Variants in INSYN2B observed in about 807,000 individuals in gnomAD.
INSYN2B encodes inhibitory synaptic factor family member 2B.
A neutral mutation model predicts 41.2 loss-of-function variants in INSYN2B; 16 were observed. The observed-to-expected ratio is 0.39, with a 90% CI of 0.26 to 0.59. INSYN2B has a LOEUF of 0.59. Ranked by LOEUF, INSYN2B falls within the 20% of genes least tolerant of loss-of-function variation. The pLI is 0.57. For missense variants in INSYN2B, 608 were observed against 646.4 expected, an observed-to-expected ratio of 0.94 and a Z score of 0.64; for synonymous variants, 245 against 244.4, an observed-to-expected ratio of 1.00 and a Z score of -0.02.
intron 3 of INSYN2B, among the ~76,000 whole-genome samples, chr5:169,872,895 G>A (rs945681406): frequency 6.6e-6 from 1 of 152,320 alleles, no homozygotes; most frequent in East Asian, 1.9e-4. Flanking sequence ...TTTTAGGATG[G>A]TTAGGAGTCT....
At chr5:169,866,191 C>G (rs1185645939) in intron 3 of INSYN2B, among the ~76,000 whole-genome samples, 2 of 152,180 alleles carry the variant, frequency 1.3e-5, no homozygotes, top group Non-Finnish European at 2.9e-5. Flanking sequence ...CATTTTTCAT[C>G]CAGGCTTGCT....
At chr5:169,880,481 G>C (rs1001892670) in intron 3 of INSYN2B, among the ~76,000 whole-genome samples, 3 of 152,172 alleles carry the variant, frequency 2.0e-5, no homozygotes, top group Non-Finnish European at 4.4e-5. Context: ...AAGCAAAACT[G>C]TTCACTTTGG....
chr5:169,966,563 C>T (rs1777308167), intron 1 of INSYN2B, among the ~76,000 whole-genome samples: 1 of 152,194 alleles, frequency 6.6e-6, no homozygotes, highest in Admixed American at 6.5e-5. Flanking sequence ...AGCTGGGATG[C>T]AAATTCACCT....
At chr5:169,925,621 G>T (rs1011234544) in intron 1 of INSYN2B, among the ~76,000 whole-genome samples, 1 of 145,724 alleles carries the variant, frequency 6.9e-6, no homozygotes, top group Non-Finnish European at 1.5e-5. Flanking sequence ...GTCCTGGGGT[G>T]TAATCCCAGC....
intron 1 of INSYN2B, among the ~76,000 whole-genome samples, chr5:169,917,886 T>C (rs1046196518): frequency 1.3e-5 from 2 of 152,208 alleles, no homozygotes; most frequent in South Asian, 2.1e-4. Flanking sequence ...TTCTGGAAAC[T>C]GAAATGGGAC....
chr5:169,897,265 C>A (rs1581378746), intron 1 of INSYN2B, among the ~76,000 whole-genome samples: 2 of 151,936 alleles, frequency 1.3e-5, no homozygotes, highest in African/African-American at 4.8e-5. Flanking sequence ...GCTCACTGCA[C>A]CTTCCACCTC....
chr5:169,912,621 A>ATG (rs59287791), intron 1 of INSYN2B, among the ~76,000 whole-genome samples: 42,752 of 150,416 alleles, frequency 0.28, 6,012 homozygotes, highest in East Asian at 0.39. Flanking sequence ...GGTGGAGTGT[A>ATG]TGTGTGTGTG....
At chr5:169,938,568 C>T (rs1776093979) in intron 1 of INSYN2B, among the ~76,000 whole-genome samples, 1 of 152,186 alleles carries the variant, frequency 6.6e-6, no homozygotes, top group South Asian at 2.1e-4. Context: ...AAATGGTCCA[C>T]CTGTACAGGA....
chr5:169,968,753 A>T (rs1777391169), intron 1 of INSYN2B, among the ~76,000 whole-genome samples: 1 of 152,216 alleles, frequency 6.6e-6, no homozygotes, highest in South Asian at 2.1e-4. Flanking sequence ...TGCTGTGTTA[A>T]TGGTGATGAG....
At chr5:169,926,413 C>T (rs1374664618) in intron 1 of INSYN2B, among the ~76,000 whole-genome samples, 1 of 152,178 alleles carries the variant, frequency 6.6e-6, no homozygotes, top group African/African-American at 2.4e-5. Flanking sequence ...TTACTGTTAA[C>T]AAATAGGCCC....
At chr5:169,918,797 C>T (rs1205183164) in intron 1 of INSYN2B, among the ~76,000 whole-genome samples, 1 of 152,136 alleles carries the variant, frequency 6.6e-6, no homozygotes, top group Non-Finnish European at 1.5e-5. Flanking sequence ...CCAGTAATCC[C>T]AGCTACTCGG....
intron 1 of INSYN2B, among the ~76,000 whole-genome samples, chr5:169,905,077 G>A (rs1438642696): frequency 7.9e-5 from 12 of 152,162 alleles, no homozygotes; most frequent in Admixed American, 3.9e-4. Context: ...CAGGGAGGCC[G>A]TGCAGAGTGC....
chr5:169,870,522 A>G (rs1431652518), intron 3 of INSYN2B, among the ~76,000 whole-genome samples: 3 of 152,180 alleles, frequency 2.0e-5, no homozygotes, highest in African/African-American at 7.2e-5. Flanking sequence ...GAAGCCTCTC[A>G]GTTGTATATA....
intron 1 of INSYN2B, among the ~76,000 whole-genome samples, chr5:169,945,442 A>G (rs1776407961): frequency 6.6e-6 from 1 of 152,266 alleles, no homozygotes; most frequent in South Asian, 2.1e-4. Flanking sequence ...AAATGCTAAC[A>G]AGTGTTATTA....
At chr5:169,950,611 A>AT (rs1325085621) in intron 1 of INSYN2B, among the ~76,000 whole-genome samples, 2 of 152,042 alleles carry the variant, frequency 1.3e-5, no homozygotes, top group Admixed American at 1.3e-4. Flanking sequence ...CATGCTACAG[A>AT]TTTTCTATGT....
Position 169,882,813 on chromosome 5 carries a change from G to T in INSYN2B, c.1086C>A (p.Pro362=). The change falls in exon 2 of 4, where the codon CCC becomes CCA. Residue 362 remains proline (P), a synonymous_variant. Coordinates refer to ENST00000377365, the MANE Select transcript of INSYN2B (RefSeq NM_001129891.3). The stretch of plus-strand genomic sequence containing the variant: ...GAAACTCCAGTGTGTCTGACTCGGT[G>T]GGGTTGTTTGCCGTCTGCTCCTGAC... ...PGCQEQTANN[P]TESDTLEFPN... 1 of 1,551,434 alleles carries T rather than the reference G, an allele frequency of 6.4e-7. No individual in the cohort carries two copies. Among genetic ancestry groups the T allele is most frequent in the Non-Finnish European group, 8.7e-7 (1 of 1,146,736 alleles).
intron 1 of INSYN2B, among the ~76,000 whole-genome samples, chr5:169,900,986 G>A (rs1355738812): frequency 6.6e-6 from 1 of 152,178 alleles, no homozygotes; most frequent in East Asian, 1.9e-4. Flanking sequence ...TTAGTTACGG[G>A]TAGGAAAGGC....
intron 1 of INSYN2B, among the ~76,000 whole-genome samples, chr5:169,903,115 G>A (rs533475245): frequency 4.9e-4 from 75 of 151,536 alleles, no homozygotes; most frequent in South Asian, 2.9e-3. Context: ...AAGAAAGAAA[G>A]GGGTGAATTT....
At chr5:169,887,983 G>T (rs192567197) in intron 1 of INSYN2B, among the ~76,000 whole-genome samples, 8 of 152,186 alleles carry the variant, frequency 5.3e-5, no homozygotes, top group Non-Finnish European at 8.8e-5. Context: ...GAATTTATAT[G>T]AGTGGACATT....
Sources: allele counts gnomAD v4.1 joint callset (sites outside exome capture counted in the v4.1 genomes callset), GRCh38; gene constraint gnomAD v4.1.1; transcripts MANE v1.5; gene names NCBI Gene and HGNC (gene_info 2026-07-23, HGNC 2026-07-21).